FREM2: variants seen among roughly 807,000 people sequenced by gnomAD.
The protein encoded by FREM2 is FRAS1 related extracellular matrix 2, also known as FRAS1-related extracellular matrix protein 2.
In FREM2, 119 loss-of-function variants were observed where a neutral mutation model predicts 219.9. The ratio of observed to expected loss-of-function variants is 0.54; its 90% CI spans 0.47 to 0.63. The LOEUF is 0.63. FREM2 is among the 30% of genes least tolerant of loss of function. The pLI, the probability that FREM2 is intolerant of heterozygous loss-of-function variation, is 0.00. For synonymous variants in FREM2, 1,562 were observed against 1,522.8 expected, an observed-to-expected ratio of 1.03 and a Z score of -0.60; for missense variants, 4,030 against 3,993.6, an observed-to-expected ratio of 1.01 and a Z score of -0.25.
chr13:38,714,683 A>C (rs1421393415), intron 2 of FREM2, among the ~76,000 whole-genome samples: 1 of 152,194 alleles, frequency 6.6e-6, no homozygotes, highest in Non-Finnish European at 1.5e-5. Context: ...TACATACTTC[A>C]ACGTATACAC....
chr13:38,776,826 A>G lies in FREM2; in HGVS notation c.5642-6244A>G, dbSNP rs541048324. ...CCAGAGGTCTATTCACTTAATTTCA[A>G]AAAGTCATTTGCAGCCTTACCACTT... is the stretch of plus-strand genomic sequence containing the variant. On this transcript the variant is annotated intron_variant, in intron 4 of 23. Coordinates refer to ENST00000280481, the MANE Select transcript of FREM2 (RefSeq NM_207361.6). Among the ~76,000 whole-genome samples, 6 of 152,006 alleles carry G rather than the reference A, an allele frequency of 3.9e-5. No homozygotes were observed. In the East Asian group the frequency reaches 1.2e-3, roughly 29 times the overall value.
rs757171457 is a variant in FREM2, at chr13:38,881,829, G to A, written c.*1042G>A. On this transcript the variant is annotated 3_prime_UTR_variant, in exon 24 of 24. Transcript: ENST00000280481. ...ATTTTGACAGATGAGGTTATCCCTC[G>A]GAGTAGCGTAATCACACAATAACAT... is the stretch of plus-strand genomic sequence containing the variant. 5.3e-5 allele frequency: 8 copies of A among 152,094 alleles called. No individual in the cohort carries two copies. Among genetic ancestry groups the A allele is most frequent in the African/African-American group, 9.7e-5 (4 of 41,398 alleles). The allele number at this position is 152,094 out of a possible 1,614,324, so 9.4% of individuals were successfully genotyped here.
At chr13:38,785,811 T>C (rs1874304880) in intron 6 of FREM2, among the ~76,000 whole-genome samples, 1 of 152,198 alleles carries the variant, frequency 6.6e-6, no homozygotes, top group Non-Finnish European at 1.5e-5. Flanking sequence ...ATTGTCTATA[T>C]ACAAATTGAT....
intron 6 of FREM2, among the ~76,000 whole-genome samples, chr13:38,815,524 C>T (rs1875730204): frequency 1.3e-5 from 2 of 152,002 alleles, no homozygotes; most frequent in African/African-American, 4.8e-5. Context: ...CAACTGATAC[C>T]ACAGAAATAC....
chr13:38,828,396 G>A (rs371777694), intron 6 of FREM2, among the ~76,000 whole-genome samples: 116 of 152,082 alleles, frequency 7.6e-4, no homozygotes, highest in Admixed American at 1.4e-3. Context: ...ATTATCTTAC[G>A]AAGTACTTAT....
intron 11 of FREM2, among the ~76,000 whole-genome samples, chr13:38,853,597 G>C (rs1877455042): frequency 6.6e-6 from 1 of 152,038 alleles, no homozygotes; most frequent in Admixed American, 6.5e-5. Context: ...AAGTTAGTGA[G>C]GCAACATAAA....
Position 38,687,937 on chromosome 13 carries a change from A to G in FREM2, c.593A>G (p.Asn198Ser). The change falls in exon 1 of 24, where the codon AAT becomes AGT. Residue 198 changes from asparagine (N) to serine (S), a missense_variant. By Grantham distance (46) the Asn-to-Ser change is conservative. This residue lies in a region of FREM2 where 3,102 missense variants were observed against 2,950.7 expected (regional missense o/e 1.05). Transcript: ENST00000280481. ...GTGGAAGAGCTGCTGGGGACCAGCA[A>G]TGCCCTGGACGCGCGGAGCCTGGAG... ...LVVEELLGTSNALDARSLEFA... is the reference protein window; with the variant it reads ...LVVEELLGTSSALDARSLEFA... 3.1e-6 allele frequency: 5 copies of G among 1,605,876 alleles called. No homozygotes were observed. Among genetic ancestry groups the G allele is most frequent in the East Asian group, 2.2e-5 (1 of 44,452 alleles).
At chr13:38,790,209 T>C (rs1874504392) in intron 6 of FREM2, among the ~76,000 whole-genome samples, 1 of 152,024 alleles carries the variant, frequency 6.6e-6, no homozygotes, top group South Asian at 2.1e-4. Context: ...AGAGGATGGG[T>C]TTTTATTCTA....
At chr13:38,807,189 T>TTATATATATATATATATATA (rs59551341) in intron 6 of FREM2, among the ~76,000 whole-genome samples, 36 of 45,350 alleles carry the variant, frequency 7.9e-4, no homozygotes, top group Non-Finnish European at 1.4e-3. Flanking sequence ...CTTGTCTCTG[T>TTATATATATATATATATATA]TATATATATA....
chr13:38,800,945 T>TA (rs1425253097), intron 6 of FREM2, among the ~76,000 whole-genome samples: 5 of 152,222 alleles, frequency 3.3e-5, no homozygotes, highest in African/African-American at 1.2e-4. Flanking sequence ...GTTGGTTTTT[T>TA]AACCCTTTCA....
chr13:38,815,427 T>G (rs1309601686), intron 6 of FREM2, among the ~76,000 whole-genome samples: 1 of 152,188 alleles, frequency 6.6e-6, no homozygotes, highest in African/African-American at 2.4e-5. Context: ...AAGAGTTAAT[T>G]TCTTGAAACA....
chr13:38,847,610 A>G (rs1200596322), intron 7 of FREM2, among the ~76,000 whole-genome samples: 1 of 152,132 alleles, frequency 6.6e-6, no homozygotes, highest in African/African-American at 2.4e-5. Flanking sequence ...AGAAAAAAAT[A>G]TAAAAAGAAC....
chr13:38,777,041 T>C (rs1005444031), intron 4 of FREM2, among the ~76,000 whole-genome samples: 14 of 151,744 alleles, frequency 9.2e-5, no homozygotes, highest in African/African-American at 3.4e-4. Context: ...ATACATATAT[T>C]ATATTCCATA....
At chr13:38,697,077 C>T (rs776140427) in intron 1 of FREM2, among the ~76,000 whole-genome samples, 6 of 152,070 alleles carry the variant, frequency 3.9e-5, no homozygotes, top group South Asian at 2.1e-4. Context: ...TGGGATTATA[C>T]GCATGAGCCA....
chr13:38,837,958 C>CA (rs1281613078), intron 6 of FREM2, among the ~76,000 whole-genome samples: 2 of 152,084 alleles, frequency 1.3e-5, no homozygotes, highest in Admixed American at 6.6e-5. Flanking sequence ...AGCCCATTTA[C>CA]ATTTAAGATT....
intron 6 of FREM2, among the ~76,000 whole-genome samples, chr13:38,802,278 G>A (rs935915831): frequency 6.6e-6 from 1 of 152,006 alleles, no homozygotes; most frequent in Admixed American, 6.6e-5. Context: ...AGAGTAAGGA[G>A]GTAGCTGTGG....
rs547622091 is a variant in FREM2, at chr13:38,886,767, C to T, written c.*5980C>T. The T allele has an allele frequency of 2.6e-5, 4 of 152,160 alleles. No homozygotes were observed. Among genetic ancestry groups the T allele is most frequent in the East Asian group, 1.9e-4 (1 of 5,196 alleles). The allele number at this position is 152,160 out of a possible 1,614,324, so 9.4% of individuals were successfully genotyped here. On this transcript the variant is annotated 3_prime_UTR_variant, in exon 24 of 24. Transcript: ENST00000280481. ...AGCTTTGTGTTTTATAATTGTATTA[C>T]GTGCCTGCTTCCTTACCAAGTGCCC... is the stretch of plus-strand genomic sequence containing the variant.
Position 38,691,678 on chromosome 13 carries a change from G to GCACT in FREM2, c.4335_4338dup (p.Ser1447HisfsTer2), listed in dbSNP as rs1869871757. The GCACT allele has an allele frequency of 1.4e-5, 23 of 1,614,122 alleles. No individual in the cohort carries two copies. The highest frequency in any genetic ancestry group is 1.6e-5 in the Non-Finnish European group (19 of 1,180,016). ...GTCACTCTTACAACAGACCTACTAA[G>GCACT]CACTAGTGACTTGAACAGTCCTGAT... On this transcript the variant is annotated frameshift_variant, in exon 1 of 24. Coordinates refer to ENST00000280481, the MANE Select transcript of FREM2 (RefSeq NM_207361.6). LOFTEE classifies it high-confidence loss of function.
chr13:38,860,212 G>A (rs758189596), intron 14 of FREM2, among the ~76,000 whole-genome samples: 4 of 152,060 alleles, frequency 2.6e-5, no homozygotes, highest in East Asian at 3.9e-4. Context: ...TGCTGGGGAC[G>A]GGAGGGGAAG....
Sources: gnomAD v4.1 joint callset for allele counts (sites outside exome capture counted in the v4.1 genomes callset) on GRCh38, gnomAD v4.1.1 for gene constraint, gnomAD v4.1.1 regional missense constraint, MANE v1.5 for transcripts, NCBI Gene and HGNC (gene_info 2026-07-23, HGNC 2026-07-21) for gene names.